CFAP61: variants seen among roughly 807,000 people sequenced by gnomAD.
CFAP61 encodes cilia- and flagella-associated protein 61.
A neutral mutation model predicts 135.6 loss-of-function variants in CFAP61; 107 were observed. The ratio of observed to expected loss-of-function variants is 0.79; its 90% confidence interval spans 0.67 to 0.93. The LOEUF (loss-of-function observed/expected upper bound fraction) is 0.93, where lower values mean the gene tolerates loss of function less well. CFAP61 is among the 40% of genes least tolerant of loss of function. CFAP61 has a pLI of 0.00. For missense variants in CFAP61, 1,507 were observed against 1,556.2 expected, an observed-to-expected ratio of 0.97 and a Z score of 0.53; for synonymous variants, 575 against 578.5, an observed-to-expected ratio of 0.99 and a Z score of 0.09.
At chr20:20,230,935 A>G (rs2049087389) in intron 18 of CFAP61, among the ~76,000 whole-genome samples, 1 of 152,236 alleles carries the variant, frequency 6.6e-6, no homozygotes, top group Non-Finnish European at 1.5e-5. Flanking sequence ...GAGGCTCAGG[A>G]CAGTAACCTC....
rs754534201 is a variant in CFAP61 at position 20,288,873 on chromosome 20, G to A, written c.3061G>A (p.Val1021Met). The A allele has an allele frequency of 4.3e-6, 7 of 1,613,702 alleles. No homozygotes were observed. The highest frequency in any genetic ancestry group is 1.1e-5 in the South Asian group (1 of 91,082). ...LHLFDPTLEP[V>M]TEPPANLDRL... ...TCTCTTTGATCCAACCCTTGAGCCT[G>A]TGACCGAGCCACCAGCTAATCTTGA... Residue 1021 changes from valine to methionine, a missense_variant, in exon 23 of 27, where the codon GTG (valine) becomes ATG (methionine). By Grantham distance (21) the Val-to-Met change is conservative. Coordinates refer to ENST00000245957, the MANE Select transcript of CFAP61 (RefSeq NM_015585.4).
At chr20:20,342,538 A>G (rs538741801) in intron 26 of CFAP61, among the ~76,000 whole-genome samples, 14 of 152,320 alleles carry the variant, frequency 9.2e-5, no homozygotes, top group Non-Finnish European at 1.8e-4. Flanking sequence ...GAACGTTAAG[A>G]GCTGTGTTCA....
intron 26 of CFAP61, among the ~76,000 whole-genome samples, chr20:20,352,685 A>G (rs1232025486): frequency 6.6e-6 from 1 of 152,242 alleles, no homozygotes; most frequent in Non-Finnish European, 1.5e-5. Flanking sequence ...ACAAAAATCA[A>G]TTCAAAATGG....
At position 20,331,850 on chromosome 20, in the gene CFAP61, C is replaced by T. The variant is rs529067347; in HGVS notation, c.3423-9981C>T. On this transcript the variant is annotated intron_variant, in intron 25 of 26. Coordinates refer to ENST00000245957, the MANE Select transcript of CFAP61 (RefSeq NM_015585.4). ...CTGGCCTAATGCTGGCCTGGGCTCT[C>T]TGCAGCCTAATTAAAGGAAAATGGT... Among the ~76,000 whole-genome samples the T allele has an allele frequency of 4.0e-4, 61 of 152,172 alleles. 2 individuals are homozygous for T. The South Asian group carries it at 0.012, about 31-fold the overall frequency.
intron 8 of CFAP61, among the ~76,000 whole-genome samples, chr20:20,137,000 C>T (rs1333708052): frequency 4.6e-5 from 7 of 152,122 alleles, no homozygotes; most frequent in Non-Finnish European, 1.0e-4. Context: ...TTGGTTCTTG[C>T]AGACTTGTAG....
At chr20:20,085,552 A>C (rs1568864750) in intron 6 of CFAP61, 1 of 1,363,626 alleles carries the variant, frequency 7.3e-7, no homozygotes, top group Admixed American at 1.9e-5. Flanking sequence ...ATTATGGATA[A>C]CTTTGTTAAC....
At chr20:20,135,577 T>G (rs2050859540) in intron 8 of CFAP61, among the ~76,000 whole-genome samples, 2 of 152,184 alleles carry the variant, frequency 1.3e-5, no homozygotes, top group Admixed American at 1.3e-4. Flanking sequence ...ATATAACCCA[T>G]TATTTTAAAC....
chr20:20,076,349 G>A (rs946571503), intron 6 of CFAP61, among the ~76,000 whole-genome samples: 1 of 152,188 alleles, frequency 6.6e-6, no homozygotes, highest in African/African-American at 2.4e-5. Context: ...TGTTCGCAAG[G>A]GGAGGGGTGG....
chr20:20,187,126 A>C (rs921001076), intron 13 of CFAP61, among the ~76,000 whole-genome samples: 14 of 152,054 alleles, frequency 9.2e-5, no homozygotes, highest in Non-Finnish European at 1.8e-4. Context: ...CAAGGTGGGG[A>C]CAGCCACCCC....
At chr20:20,224,941 A>G (rs562062564) in intron 17 of CFAP61, among the ~76,000 whole-genome samples, 5 of 152,312 alleles carry the variant, frequency 3.3e-5, no homozygotes, top group South Asian at 2.1e-4. Flanking sequence ...TTTACTTTCT[A>G]TGAAGGAAAT....
chr20:20,341,983 TG>T (rs1308799355), intron 26 of CFAP61, 62 bp downstream of exon 26: 2 of 1,174,496 alleles, frequency 1.7e-6, no homozygotes, highest in Non-Finnish European at 2.5e-6. Flanking sequence ...TGATAGCTGT[TG>T]ATCATTTAGA....
intron 26 of CFAP61, among the ~76,000 whole-genome samples, chr20:20,352,888 G>A (rs1460108151): frequency 6.6e-6 from 1 of 152,124 alleles, no homozygotes; most frequent in Non-Finnish European, 1.5e-5. Flanking sequence ...AAACAACAGA[G>A]TGAAGAGACA....
intron 18 of CFAP61, among the ~76,000 whole-genome samples, chr20:20,238,104 G>GA (rs766914902): frequency 5.8e-4 from 88 of 152,154 alleles, no homozygotes; most frequent in Non-Finnish European, 9.7e-4. Context: ...GATTTAAACA[G>GA]AAAAAAATAT....
At chr20:20,322,953 G>C (rs1189908780) in intron 25 of CFAP61, 6 of 985,286 alleles carry the variant, frequency 6.1e-6, no homozygotes, top group Middle Eastern at 5.2e-4. Context: ...TGGTTTCCAG[G>C]GTTGAGACTG....
chr20:20,271,446 T>G (rs992792732), intron 21 of CFAP61, among the ~76,000 whole-genome samples: 2 of 152,212 alleles, frequency 1.3e-5, no homozygotes, highest in Admixed American at 6.5e-5. Context: ...TCTCCCCTGT[T>G]GGGCTGTTGA....
intron 9 of CFAP61, among the ~76,000 whole-genome samples, chr20:20,144,814 G>A (rs2051734651): frequency 6.6e-6 from 1 of 151,970 alleles, no homozygotes; most frequent in African/African-American, 2.4e-5. Context: ...GAGAAACAAA[G>A]ATATGAATAA....
At chr20:20,157,211 A>G (rs1421140036) in intron 9 of CFAP61, among the ~76,000 whole-genome samples, 1 of 152,116 alleles carries the variant, frequency 6.6e-6, no homozygotes, top group Non-Finnish European at 1.5e-5. Flanking sequence ...TAGCTGGTAC[A>G]GGTGTGAACC....
intron 8 of CFAP61, among the ~76,000 whole-genome samples, chr20:20,101,016 T>C (rs1278382271): frequency 6.6e-6 from 1 of 152,234 alleles, no homozygotes; most frequent in Non-Finnish European, 1.5e-5. Context: ...TGATTCCTTA[T>C]GAAATTTTCA....
intron 20 of CFAP61, among the ~76,000 whole-genome samples, chr20:20,261,627 T>G (rs558095834): frequency 2.0e-5 from 3 of 152,320 alleles, no homozygotes; most frequent in South Asian, 4.1e-4. Flanking sequence ...ATTTGGTTTT[T>G]GCAATGACAC....
Sources: allele counts gnomAD v4.1 joint callset (sites outside exome capture counted in the v4.1 genomes callset), GRCh38; gene constraint gnomAD v4.1.1; transcripts MANE v1.5; gene names NCBI Gene and HGNC (gene_info 2026-07-23, HGNC 2026-07-21).